Variants in PARD3B observed in about 807,000 individuals in gnomAD.
PARD3B encodes par-3 family cell polarity regulator beta, also known as partitioning defective 3 homolog B.
Under a neutral mutation model 130.2 loss-of-function variants are expected in PARD3B, and 103 were observed. The observed-to-expected ratio is 0.79, with a 90% confidence interval of 0.67 to 0.93. The LOEUF (loss-of-function observed/expected upper bound fraction) is 0.93. PARD3B is among the 40% of genes least tolerant of loss of function. PARD3B has a pLI of 0.00. For missense variants in PARD3B, 1,609 were observed against 1,499.2 expected (o/e 1.07, Z -1.21); for synonymous variants, 583 against 553.2 (o/e 1.05, Z -0.76).
chr2:205,610,969 C>T (rs776560554), intron 22 of PARD3B, among the ~76,000 whole-genome samples: 2 of 152,146 alleles, frequency 1.3e-5, no homozygotes, highest in Non-Finnish European at 1.5e-5. Flanking sequence ...ATTCAACATA[C>T]ATTTGTAGAG....
rs1435909917 is a variant in PARD3B at position 205,550,483 on chromosome 2, G to A, written c.3181-2841G>A. On this transcript the variant is annotated intron_variant, in intron 21 of 22. Coordinates refer to ENST00000406610, the MANE Select transcript of PARD3B (RefSeq NM_001302769.2). The surrounding 1 kb of genome is among the most constrained non-coding windows in gnomAD (Gnocchi z 4.5). ...AGTGAAGGACAGAATAATTTCTTATGTGCAAGCTTGCTGCCTATCTTTTGA... is the reference window on the plus strand; with the variant it reads ...AGTGAAGGACAGAATAATTTCTTATATGCAAGCTTGCTGCCTATCTTTTGA... 6.6e-6 allele frequency among the ~76,000 whole-genome samples: 1 copy of A among 152,184 alleles called. No individual in the cohort carries two copies. The highest frequency in any genetic ancestry group is 1.5e-5 in the Non-Finnish European group (1 of 68,038).
At chr2:205,311,870 TTTTC>T (rs1347500773) in intron 18 of PARD3B, among the ~76,000 whole-genome samples, 1 of 152,216 alleles carries the variant, frequency 6.6e-6, no homozygotes, top group African/African-American at 2.4e-5. Context: ...TTTGTTTTGC[TTTTC>T]TTTCTTTCTT....
intron 20 of PARD3B, among the ~76,000 whole-genome samples, chr2:205,453,327 G>A (rs1051725666): frequency 3.3e-5 from 5 of 152,126 alleles, no homozygotes; most frequent in African/African-American, 7.2e-5. Context: ...TATATTAGAA[G>A]AGCTGGAGTG....
intron 1 of PARD3B, among the ~76,000 whole-genome samples, chr2:204,634,444 T>A (rs181030028): frequency 2.3e-4 from 35 of 152,332 alleles, no homozygotes; most frequent in African/African-American, 8.4e-4. Flanking sequence ...ACATCATTTT[T>A]AAAAGAATAT....
Position 204,943,392 on chromosome 2 carries a change from A to G in PARD3B, c.223-21760A>G, listed in dbSNP as rs1689070645. 6.6e-6 allele frequency among the ~76,000 whole-genome samples: 1 copy of G among 152,058 alleles called. No homozygotes were observed. The highest frequency in any genetic ancestry group is 2.4e-5 in the African/African-American group (1 of 41,414). On this transcript the variant is annotated intron_variant, in intron 2 of 22. Transcript: ENST00000406610. The surrounding 1 kb of genome is among the most constrained non-coding windows in gnomAD (Gnocchi z 4.2). ...GAAAAGAGAAGCCAAGATCCCAGCA[A>G]TGAGCCCTTTCCTCTGCTTCTCATG...
chr2:204,757,685 C>T (rs1465499235), intron 2 of PARD3B, among the ~76,000 whole-genome samples: 1 of 152,092 alleles, frequency 6.6e-6, no homozygotes, highest in Non-Finnish European at 1.5e-5. Context: ...TGATATGAAA[C>T]TAGCGATTTT....
chr2:204,633,798 C>G (rs529800792), intron 1 of PARD3B, among the ~76,000 whole-genome samples: 1 of 152,016 alleles, frequency 6.6e-6, no homozygotes, highest in Non-Finnish European at 1.5e-5. Context: ...GGCAACAGAG[C>G]GAGACTGTGT....
chr2:205,342,887 T>A (rs948901679), intron 18 of PARD3B, among the ~76,000 whole-genome samples: 11 of 152,214 alleles, frequency 7.2e-5, no homozygotes, highest in Non-Finnish European at 1.6e-4. Context: ...GGAAAATTGC[T>A]TTCCACAATC....
intron 16 of PARD3B, among the ~76,000 whole-genome samples, chr2:205,289,382 G>A (rs1275010365): frequency 1.3e-5 from 2 of 152,088 alleles, no homozygotes; most frequent in African/African-American, 4.8e-5. Flanking sequence ...ATGATGCTAA[G>A]CGGTGACATG....
At chr2:205,552,375 G>T (rs1399959935) in intron 21 of PARD3B, among the ~76,000 whole-genome samples, 1 of 151,888 alleles carries the variant, frequency 6.6e-6, no homozygotes, top group Non-Finnish European at 1.5e-5. Flanking sequence ...AGTAAAGAAA[G>T]GTTTTATAGA....
chr2:205,233,927 A>G (rs544126907), intron 15 of PARD3B, among the ~76,000 whole-genome samples: 26 of 152,322 alleles, frequency 1.7e-4, no homozygotes, highest in African/African-American at 6.3e-4. Flanking sequence ...ACACTGAACC[A>G]TTTTAAGTTG....
intron 2 of PARD3B, among the ~76,000 whole-genome samples, chr2:204,870,283 C>A (rs966126322): frequency 2.0e-5 from 3 of 152,086 alleles, no homozygotes; most frequent in African/African-American, 7.2e-5. Flanking sequence ...GGATAACTAC[C>A]AGAATACCTC....
chr2:205,057,513 A>G (rs979083362), intron 4 of PARD3B, among the ~76,000 whole-genome samples: 1 of 142,422 alleles, frequency 7.0e-6, no homozygotes, highest in African/African-American at 2.7e-5. Flanking sequence ...ATATATGTGT[A>G]TGTGCATGTG....
At chr2:205,242,640 TTC>T (rs1054688964) in intron 15 of PARD3B, among the ~76,000 whole-genome samples, 2 of 152,160 alleles carry the variant, frequency 1.3e-5, no homozygotes, top group Admixed American at 6.5e-5. Flanking sequence ...CTCAATTATT[TTC>T]TCTCTTTAGT....
chr2:204,841,716 C>T (rs536818542), intron 2 of PARD3B, among the ~76,000 whole-genome samples: 29 of 152,108 alleles, frequency 1.9e-4, no homozygotes, highest in African/African-American at 7.0e-4. Context: ...ATTCTCTTTT[C>T]CTCTTCTACA....
intron 2 of PARD3B, among the ~76,000 whole-genome samples, chr2:204,941,158 A>G (rs539148778): frequency 2.0e-5 from 3 of 152,308 alleles, no homozygotes; most frequent in Non-Finnish European, 2.9e-5. Flanking sequence ...CTAACCATAG[A>G]TTAAATCACT....
rs2036663442 is a variant in PARD3B, at chr2:204,678,538, G to C, written c.121-7643G>C. On this transcript the variant is annotated intron_variant, in intron 1 of 22. Transcript: ENST00000406610. This position sits in a 1 kb window ranked among gnomAD's most constrained non-coding sequence, Gnocchi z 4.2. ...AGCTAGAGCGGGGATGGTGCGGGAA[G>C]AAAGTAGTCTTTCCTTGAAGCCTGG... 6.6e-6 allele frequency among the ~76,000 whole-genome samples: 1 copy of C among 152,164 alleles called. No homozygotes were observed. The highest frequency in any genetic ancestry group is 6.5e-5 in the Admixed American group (1 of 15,284).
intron 1 of PARD3B, among the ~76,000 whole-genome samples, chr2:204,617,496 A>G (rs908374591): frequency 5.3e-5 from 8 of 152,172 alleles, no homozygotes; most frequent in African/African-American, 1.9e-4. Context: ...AGCCAAGCCA[A>G]GGCAACTAGC....
chr2:204,711,067 T>G (rs2038409029), intron 2 of PARD3B, among the ~76,000 whole-genome samples: 1 of 152,240 alleles, frequency 6.6e-6, no homozygotes, highest in Non-Finnish European at 1.5e-5. Context: ...GTTGTGGCCA[T>G]TATTACCTTG....
Sources: gnomAD v4.1 joint callset for allele counts (sites outside exome capture counted in the v4.1 genomes callset) on GRCh38, gnomAD v4.1.1 for gene constraint, Gnocchi (gnomAD v3.1) non-coding constraint, MANE v1.5 for transcripts, NCBI Gene and HGNC (gene_info 2026-07-23, HGNC 2026-07-21) for gene names.